The following ACYP2 variants were observed in gnomAD, a reference collection of about 807,000 sequenced individuals.
ACYP2 encodes the protein acylphosphatase-2.
A neutral mutation model predicts 11.2 loss-of-function variants in ACYP2; 12 were observed. The ratio of observed to expected loss-of-function variants is 1.08; its 90% CI spans 0.69 to 1.74. ACYP2 has a LOEUF of 1.74. Among genes scored for constraint, ACYP2 ranks in the 40% most tolerant of loss-of-function variants. The pLI is 0.00. For missense variants in ACYP2, 134 were observed against 101.9 expected (o/e 1.31, Z -1.35); for synonymous variants, 43 against 32.2 (o/e 1.33, Z -1.13).
chr2:54,218,900 G>A (rs112930039), intron 6 of ACYP2, among the ~76,000 whole-genome samples: 11 of 152,174 alleles, frequency 7.2e-5, no homozygotes, highest in African/African-American at 1.2e-4. Context: ...AGGGTCAAAC[G>A]GGCATCTTCC....
intron 6 of ACYP2, among the ~76,000 whole-genome samples, chr2:54,171,953 C>G (rs1357019014): frequency 6.6e-6 from 1 of 152,078 alleles, no homozygotes; most frequent in African/African-American, 2.4e-5. Context: ...GCGGTTCACA[C>G]CTGTAATCCT....
At chr2:54,302,624 A>C (rs975005637) in intron 6 of ACYP2, among the ~76,000 whole-genome samples, 10 of 152,170 alleles carry the variant, frequency 6.6e-5, no homozygotes, top group Admixed American at 1.3e-4. Context: ...AACCAGACTC[A>C]TAGGTCCAAC....
chr2:54,143,757 T>TTG lies in ACYP2; in HGVS notation c.404+5009_404+5010insTG, dbSNP rs1681739857. 7.8e-4 allele frequency among the ~76,000 whole-genome samples: 15 copies of TTG among 19,218 alleles called. 1 individual carries two copies. The highest frequency in any genetic ancestry group is 1.4e-3 in the Admixed American group (2 of 1,456). The allele number at this position is 19,218 out of a possible 152,430, so 12.6% of individuals were successfully genotyped here. On this transcript the variant is annotated intron_variant, in intron 6 of 6. Coordinates refer to ENST00000607452, the MANE Select transcript of ACYP2 (RefSeq NM_001320586.2). The stretch of plus-strand genomic sequence containing the variant: ...GGTTTTTTTTTTTTTTTTTTTTTTT[T>TTG]GGGGGGGGGGTATTCTATCATGTTT...
chr2:54,091,048 G>A (rs1386287164), intron 4 of ACYP2, among the ~76,000 whole-genome samples: 1 of 152,130 alleles, frequency 6.6e-6, no homozygotes, highest in Non-Finnish European at 1.5e-5. Flanking sequence ...TTTAAAATAG[G>A]CAGAGAAGAA....
At chr2:54,205,493 T>C (rs1685038553) in intron 6 of ACYP2, among the ~76,000 whole-genome samples, 2 of 152,224 alleles carry the variant, frequency 1.3e-5, no homozygotes, top group African/African-American at 4.8e-5. Flanking sequence ...ACTCCTATTA[T>C]ACATCTACCC....
chr2:54,135,604 T>C (rs1349805904), intron 5 of ACYP2, 135 bp downstream of exon 2: 1 of 618,998 alleles, frequency 1.6e-6, no homozygotes, highest in Admixed American at 3.7e-5. Context: ...AAGAAATATA[T>C]GTATTTCTTT....
At chr2:54,188,644 T>C (rs996798426) in intron 6 of ACYP2, among the ~76,000 whole-genome samples, 3 of 152,260 alleles carry the variant, frequency 2.0e-5, no homozygotes, top group Admixed American at 6.5e-5. Context: ...TTTCTTCTTA[T>C]AATCAGAAAT....
At chr2:54,179,530 C>G (rs1345787368) in intron 6 of ACYP2, among the ~76,000 whole-genome samples, 1 of 152,078 alleles carries the variant, frequency 6.6e-6, no homozygotes, top group Non-Finnish European at 1.5e-5. Flanking sequence ...TGCTGGTTGC[C>G]CACTTTTTAT....
chr2:54,002,192 C>T (rs1414057086), intron 2 of ACYP2, among the ~76,000 whole-genome samples: 2 of 152,182 alleles, frequency 1.3e-5, no homozygotes, highest in Non-Finnish European at 2.9e-5. Flanking sequence ...ACCTGGCAAC[C>T]TCTGATCTTT....
At chr2:54,175,517 G>T (rs1683422043) in intron 6 of ACYP2, among the ~76,000 whole-genome samples, 1 of 151,602 alleles carries the variant, frequency 6.6e-6, no homozygotes, top group Non-Finnish European at 1.5e-5. Context: ...AGCATTTTTT[G>T]TATCTCTATC....
chr2:54,035,799 G>C (rs941677481), intron 2 of ACYP2, among the ~76,000 whole-genome samples: 2 of 152,076 alleles, frequency 1.3e-5, no homozygotes, highest in African/African-American at 2.4e-5. Flanking sequence ...TAACATTTTG[G>C]GTGATCATGG....
chr2:54,263,948 T>G (rs1188803338), intron 6 of ACYP2, among the ~76,000 whole-genome samples: 1 of 152,212 alleles, frequency 6.6e-6, no homozygotes, highest in African/African-American at 2.4e-5. Context: ...GCCTATTTAT[T>G]GACCACCTTT....
chr2:54,068,021 C>T (rs936727499), intron 4 of ACYP2, among the ~76,000 whole-genome samples: 2 of 152,146 alleles, frequency 1.3e-5, no homozygotes, highest in South Asian at 4.1e-4. Context: ...TTTGACTTTA[C>T]AGGTGTATTT....
chr2:53,971,628 C>T (rs913515446), intron 1 of ACYP2, among the ~76,000 whole-genome samples: 1 of 152,198 alleles, frequency 6.6e-6, no homozygotes, highest in Non-Finnish European at 1.5e-5. Context: ...AGGACTTAGT[C>T]TAGCAGAGAT....
intron 4 of ACYP2, among the ~76,000 whole-genome samples, chr2:54,102,902 TTTC>T (rs2103705025): frequency 6.6e-6 from 1 of 152,274 alleles, no homozygotes; most frequent in African/African-American, 2.4e-5. Flanking sequence ...GAATACCTCA[TTTC>T]TAATGGGTCC....
At chr2:54,135,626 T>A (rs1027418531) in intron 5 of ACYP2, among the ~76,000 whole-genome samples, 157 bp downstream of exon 2, 23 of 152,212 alleles carry the variant, frequency 1.5e-4, no homozygotes, top group African/African-American at 5.3e-4. Context: ...AAATTACTGA[T>A]TGAGATTTTT....
chr2:54,026,344 A>G (rs2104550285), intron 2 of ACYP2, among the ~76,000 whole-genome samples: 1 of 152,332 alleles, frequency 6.6e-6, no homozygotes, highest in Non-Finnish European at 1.5e-5. Flanking sequence ...TTATTGGTGA[A>G]ATGCAAATCA....
chr2:54,071,187 A>T (rs534863362), intron 4 of ACYP2, among the ~76,000 whole-genome samples: 2 of 152,376 alleles, frequency 1.3e-5, no homozygotes, highest in African/African-American at 4.8e-5. Context: ...ATCACGCTTA[A>T]TAGTGAAAGG....
chr2:54,201,616 CTTTCTTTG>C lies in ACYP2; in HGVS notation c.404+62876_404+62883del, dbSNP rs746367491. 1.2e-3 allele frequency among the ~76,000 whole-genome samples: 103 copies of C among 88,200 alleles called. 4 individuals are homozygous for C. Among genetic ancestry groups the C allele is most frequent in the East Asian group, 0.011 (28 of 2,514 alleles). The allele number at this position is 88,200 out of a possible 152,430, so 57.9% of individuals were successfully genotyped here. On this transcript the variant is annotated intron_variant, in intron 6 of 6. Transcript: ENST00000607452. ...TTTCTCTTTCTTTCTTTCTTTCTTT[CTTTCTTTG>C]TTTCTTTCTTTCTCTTTCTTTCTTT... is the stretch of plus-strand genomic sequence containing the variant.
Sources: allele counts gnomAD v4.1 joint callset (sites outside exome capture counted in the v4.1 genomes callset), GRCh38; gene constraint gnomAD v4.1.1; transcripts MANE v1.5; gene names NCBI Gene and HGNC (gene_info 2026-07-23, HGNC 2026-07-21).